Variants in ATP10A observed in about 807,000 individuals in gnomAD.
The protein encoded by ATP10A is phospholipid-transporting ATPase VA.
ATP10A carries 111 observed loss-of-function variants against 147.8 expected under a neutral mutation model. The ratio of observed to expected loss-of-function variants is 0.75; its 90% CI spans 0.64 to 0.88. The LOEUF is 0.88. Ranked by LOEUF, ATP10A falls within the 40% of genes least tolerant of loss-of-function variation. The pLI is 0.00. For synonymous variants in ATP10A, 875 were observed against 841.6 expected (o/e 1.04, Z -0.69); for missense variants, 1,927 against 1,959.0 (o/e 0.98, Z 0.31).
rs1899316822 is a variant in ATP10A at position 25,680,117 on chromosome 15, C to T, written c.3866+4G>A. 6.2e-7 allele frequency: 1 copy of T among 1,612,934 alleles called. No individual in the cohort carries two copies. The highest frequency in any genetic ancestry group is 8.5e-7 in the Non-Finnish European group (1 of 1,179,654). On this transcript the variant is annotated splice_donor_region_variant and intron_variant, in intron 20 of 20. Transcript: ENST00000555815. ...CAGAGGCACTATCCCGCTCCGACAC[C>T]CACCTGGGCAGCAGTGCAGCGACAG...
intron 1 of ATP10A, among the ~76,000 whole-genome samples, chr15:25,835,806 T>C (rs1309294674): frequency 6.6e-6 from 1 of 152,118 alleles, no homozygotes; most frequent in African/African-American, 2.4e-5. Context: ...TAATTTTTTA[T>C]TTTATTTATT....
intron 15 of ATP10A, among the ~76,000 whole-genome samples, chr15:25,690,399 A>T (rs558404205): frequency 6.6e-6 from 1 of 152,252 alleles, no homozygotes; most frequent in Admixed American, 6.5e-5. Context: ...ATGGGCCACC[A>T]CGCTGGGGTT....
intron 1 of ATP10A, among the ~76,000 whole-genome samples, chr15:25,802,522 G>A (rs538708308): frequency 3.3e-5 from 5 of 152,286 alleles, no homozygotes; most frequent in Non-Finnish European, 5.9e-5. Flanking sequence ...TGATGTTATC[G>A]TTCTGTAGGT....
intron 2 of ATP10A, among the ~76,000 whole-genome samples, chr15:25,765,167 G>A (rs11161216): frequency 4.3e-4 from 66 of 152,014 alleles, no homozygotes; most frequent in African/African-American, 1.4e-3. Context: ...CACAACACAG[G>A]GGGGCGGGGC....
chr15:25,779,497 C>T (rs548085984), intron 2 of ATP10A, among the ~76,000 whole-genome samples: 22 of 150,408 alleles, frequency 1.5e-4, no homozygotes, highest in African/African-American at 5.4e-4. Context: ...GCAGAGGAGA[C>T]GGGGCCAGGC....
chr15:25,825,953 A>G (rs1567412563), intron 1 of ATP10A, among the ~76,000 whole-genome samples: 1 of 152,214 alleles, frequency 6.6e-6, no homozygotes, highest in Non-Finnish European at 1.5e-5. Context: ...ATAATGTCTC[A>G]TGAAATAGAG....
intron 13 of ATP10A, among the ~76,000 whole-genome samples, chr15:25,701,465 C>T (rs1413089491): frequency 2.0e-5 from 3 of 152,158 alleles, no homozygotes; most frequent in Non-Finnish European, 2.9e-5. Context: ...GGAACTTCTG[C>T]GAGGACTCAG....
intron 2 of ATP10A, among the ~76,000 whole-genome samples, chr15:25,744,964 C>T (rs1223130922): frequency 6.6e-6 from 1 of 152,108 alleles, no homozygotes; most frequent in Non-Finnish European, 1.5e-5. Context: ...TAAATAGGGT[C>T]TGTGAAGGGA....
intron 7 of ATP10A, among the ~76,000 whole-genome samples, chr15:25,719,764 G>A (rs530594149): frequency 6.6e-6 from 1 of 152,286 alleles, no homozygotes; most frequent in African/African-American, 2.4e-5. Context: ...CCCCTCCTGG[G>A]CATGCACAGC....
chr15:25,684,374 T>A (rs1321427594), intron 16 of ATP10A, among the ~76,000 whole-genome samples: 1 of 152,198 alleles, frequency 6.6e-6, no homozygotes, highest in Non-Finnish European at 1.5e-5. Flanking sequence ...CTCGCTTTCC[T>A]TGCTCATGAC....
intron 1 of ATP10A, among the ~76,000 whole-genome samples, chr15:25,861,005 G>C (rs527496599): frequency 1.9e-4 from 29 of 152,174 alleles, no homozygotes; most frequent in Non-Finnish European, 3.7e-4. Context: ...GCCTCGCTCA[G>C]GGGACACGGA....
At chr15:25,788,571 T>G (rs1567385312) in intron 1 of ATP10A, among the ~76,000 whole-genome samples, 3 of 152,238 alleles carry the variant, frequency 2.0e-5, no homozygotes, top group African/African-American at 7.2e-5. Context: ...TTGAGCATGG[T>G]TTTTCCTCAC....
intron 5 of ATP10A, 78 bp downstream of exon 5, chr15:25,725,873 C>T: frequency 3.4e-6 from 5 of 1,479,402 alleles, no homozygotes; most frequent in Non-Finnish European, 4.5e-6. Flanking sequence ...CCGCCTCGGC[C>T]TCCCAAAGTG....
intron 7 of ATP10A, 108 bp from the exon 8 acceptor site, chr15:25,718,507 C>G: frequency 1.7e-6 from 2 of 1,151,304 alleles, no homozygotes; most frequent in Admixed American, 4.2e-5. Flanking sequence ...CAGGGCAGCC[C>G]CACAGGATTC....
At chr15:25,680,036 C>A in intron 20 of ATP10A, 62 bp from the exon 21 acceptor site, 7 of 1,578,192 alleles carry the variant, frequency 4.4e-6, no homozygotes, top group Non-Finnish European at 6.1e-6. Flanking sequence ...TTTGAGCTTC[C>A]AGAGACCCAC....
intron 2 of ATP10A, among the ~76,000 whole-genome samples, chr15:25,761,252 T>C (rs942566537): frequency 6.6e-6 from 1 of 152,208 alleles, no homozygotes; most frequent in African/African-American, 2.4e-5. Flanking sequence ...AGAAGATCAG[T>C]GGTTGTCCGG....
chr15:25,839,134 G>C (rs1252328009), intron 1 of ATP10A, among the ~76,000 whole-genome samples: 3 of 152,172 alleles, frequency 2.0e-5, no homozygotes, highest in Admixed American at 6.5e-5. Flanking sequence ...CTACACCTTA[G>C]CTCCAGTTTA....
At chr15:25,684,176 T>G (rs1025329733) in intron 16 of ATP10A, 3 of 151,934 alleles carry the variant, frequency 2.0e-5, no homozygotes, top group South Asian at 2.1e-4. Context: ...TTCAGGGAGG[T>G]GGAACAGCCA....
intron 1 of ATP10A, among the ~76,000 whole-genome samples, chr15:25,803,802 C>T (rs1410652655): frequency 2.0e-5 from 3 of 152,222 alleles, no homozygotes; most frequent in Non-Finnish European, 2.9e-5. Context: ...CCGTGGGCCT[C>T]GGCTTCTCTG....
Sources: allele counts gnomAD v4.1 joint callset (sites outside exome capture counted in the v4.1 genomes callset), GRCh38; gene constraint gnomAD v4.1.1; transcripts MANE v1.5; gene names NCBI Gene and HGNC (gene_info 2026-07-23, HGNC 2026-07-21).